CSGALNACT1: variants seen among roughly 807,000 people sequenced by gnomAD.
CSGALNACT1 encodes the protein chondroitin sulfate N-acetylgalactosaminyltransferase 1.
CSGALNACT1 carries 52 observed loss-of-function variants against 51.0 expected under a neutral mutation model. The observed-to-expected ratio is 1.02, with a 90% CI of 0.82 to 1.29. The LOEUF is 1.29. Among genes scored for constraint, CSGALNACT1 ranks in the 50% most tolerant of loss-of-function variants. CSGALNACT1 has a pLI of 0.00. For synonymous variants in CSGALNACT1, 341 were observed against 254.4 expected (o/e 1.34, Z -3.24); for missense variants, 935 against 679.2 (o/e 1.38, Z -4.19).
At chr8:19,571,229 C>T (rs746990757) in intron 3 of CSGALNACT1, among the ~76,000 whole-genome samples, 10 of 152,236 alleles carry the variant, frequency 6.6e-5, no homozygotes, top group Middle Eastern at 3.4e-3. Context: ...CACAACCTCC[C>T]AAAGCACTGG....
intron 4 of CSGALNACT1, among the ~76,000 whole-genome samples, chr8:19,463,343 C>G (rs1485407145): frequency 6.6e-6 from 1 of 152,172 alleles, no homozygotes; most frequent in Non-Finnish European, 1.5e-5. Context: ...CATACCCAGC[C>G]ATCCACCCAC....
At chr8:19,526,109 G>T (rs1209783900) in intron 3 of CSGALNACT1, among the ~76,000 whole-genome samples, 2 of 152,148 alleles carry the variant, frequency 1.3e-5, no homozygotes, top group African/African-American at 4.8e-5. Context: ...AAGGCCCAAT[G>T]CTGTCATATC....
At chr8:19,404,399 A>G (rs2053751393) in exon 10 of CSGALNACT1, 1 of 453,444 alleles carries the variant, frequency 2.2e-6, no homozygotes. Context: ...TTTCACATGA[A>G]TGAAGAAACC....
chr8:19,464,438 C>A (rs1289741160), intron 4 of CSGALNACT1, among the ~76,000 whole-genome samples: 1 of 152,140 alleles, frequency 6.6e-6, no homozygotes, highest in African/African-American at 2.4e-5. Context: ...AATCAGGGCC[C>A]CACCTACTGT....
chr8:19,548,830 CTTTA>C (rs1564000599), intron 3 of CSGALNACT1, among the ~76,000 whole-genome samples: 1 of 152,102 alleles, frequency 6.6e-6, no homozygotes, highest in African/African-American at 2.4e-5. Context: ...ATGCTTATCC[CTTTA>C]TTTGAGAGAG....
intron 3 of CSGALNACT1, among the ~76,000 whole-genome samples, chr8:19,517,577 A>T (rs964565702): frequency 6.6e-6 from 1 of 152,196 alleles, no homozygotes; most frequent in African/African-American, 2.4e-5. Flanking sequence ...TGGGTCATTT[A>T]TAAAGAAAAA....
intron 1 of CSGALNACT1, chr8:19,688,943 T>G (rs992192312): frequency 6.6e-6 from 1 of 152,270 alleles, no homozygotes; most frequent in Admixed American, 6.5e-5. Flanking sequence ...CAGCCATGCA[T>G]GTCCACGTAA....
intron 1 of CSGALNACT1, among the ~76,000 whole-genome samples, chr8:19,696,727 G>T (rs1034444642): frequency 5.3e-5 from 8 of 152,146 alleles, no homozygotes; most frequent in Middle Eastern, 3.2e-3. Flanking sequence ...ACACAGGGCT[G>T]TTGCAAGGCT....
At position 19,576,673 on chromosome 8, in the gene CSGALNACT1, C is replaced by A. The variant is rs28713671; in HGVS notation, c.-297+14487G>T. ...ATCTCACCACATTATCCAGCAGACC[C>A]CCGACAGGCAGCCCCATGCTACCCT... On this transcript the variant is annotated intron_variant, in intron 3 of 9. Transcript: ENST00000454498. Among the ~76,000 whole-genome samples the A allele has an allele frequency of 8.8e-3, 1,337 of 151,888 alleles. 19 individuals carry two copies. The highest frequency in any genetic ancestry group is 0.031 in the African/African-American group (1,262 of 41,360).
chr8:19,539,217 AC>A (rs1258500270), intron 3 of CSGALNACT1, among the ~76,000 whole-genome samples: 2 of 152,138 alleles, frequency 1.3e-5, no homozygotes, highest in Admixed American at 6.5e-5. Flanking sequence ...TAACATCTAC[AC>A]CCTTAGCAAA....
intron 4 of CSGALNACT1, among the ~76,000 whole-genome samples, chr8:19,465,510 T>A (rs2066470360): frequency 6.6e-6 from 1 of 152,214 alleles, no homozygotes; most frequent in South Asian, 2.1e-4. Flanking sequence ...CTATACGTAT[T>A]GACCACCATA....
chr8:19,439,699 C>T, intron 6 of CSGALNACT1, 131 bp downstream of exon 5: 1 of 751,404 alleles, frequency 1.3e-6, no homozygotes, highest in Non-Finnish European at 2.3e-6. Context: ...CTGAACACAG[C>T]CAGCAATCAA....
chr8:19,441,518 G>A lies in CSGALNACT1; in HGVS notation c.852-1587C>T, dbSNP rs2061331620. Among the ~76,000 whole-genome samples the A allele has an allele frequency of 2.0e-5, 3 of 152,320 alleles. No individual in the cohort carries two copies. In the East Asian group the frequency reaches 5.8e-4, roughly 29 times the overall value. ...TGCTGGGAAAACTGGCTAGCCATAT[G>A]TAGAAAGCTGAAACTGGATCCCTTC... On this transcript the variant is annotated intron_variant, in intron 5 of 9. Transcript: ENST00000454498.
chr8:19,568,191 T>C (rs1588457758), intron 3 of CSGALNACT1, among the ~76,000 whole-genome samples: 2 of 152,326 alleles, frequency 1.3e-5, no homozygotes, highest in South Asian at 2.1e-4. Flanking sequence ...ACATCATATA[T>C]TGTACTGACA....
At chr8:19,746,503 T>A (rs1349482106) in intron 1 of CSGALNACT1, among the ~76,000 whole-genome samples, 1 of 152,230 alleles carries the variant, frequency 6.6e-6, no homozygotes, top group Non-Finnish European at 1.5e-5. Flanking sequence ...AGCTGGGTCA[T>A]CTTAGATAAG....
chr8:19,524,630 T>C (rs2081326477), intron 3 of CSGALNACT1, among the ~76,000 whole-genome samples: 1 of 152,158 alleles, frequency 6.6e-6, no homozygotes, highest in South Asian at 2.1e-4. Context: ...TTGATATAAA[T>C]GCAATTATCC....
At chr8:19,641,128 C>CTTTT (rs56681695) in intron 1 of CSGALNACT1, among the ~76,000 whole-genome samples, 59 of 99,990 alleles carry the variant, frequency 5.9e-4, no homozygotes, top group African/African-American at 2.0e-3. Flanking sequence ...GGTGACTGGT[C>CTTTT]TTTTTTTTTT....
At chr8:19,649,584 A>G (rs1484330978) in intron 1 of CSGALNACT1, among the ~76,000 whole-genome samples, 1 of 152,058 alleles carries the variant, frequency 6.6e-6, no homozygotes, top group African/African-American at 2.4e-5. Context: ...AAAGATGGAA[A>G]AGACAACTTA....
chr8:19,648,602 G>A (rs1368014769), intron 1 of CSGALNACT1, among the ~76,000 whole-genome samples: 1 of 152,174 alleles, frequency 6.6e-6, no homozygotes, highest in Non-Finnish European at 1.5e-5. Context: ...GAGCCCAGGA[G>A]TTCCAGACTA....
Sources: gnomAD v4.1 joint callset for allele counts (sites outside exome capture counted in the v4.1 genomes callset) on GRCh38, gnomAD v4.1.1 for gene constraint, MANE v1.5 for transcripts, NCBI Gene and HGNC (gene_info 2026-07-23, HGNC 2026-07-21) for gene names.